The following HS6ST2 variants were observed in gnomAD, a reference collection of about 807,000 sequenced individuals.
HS6ST2 encodes the protein heparan sulfate 6-O-sulfotransferase 2, also known as heparan-sulfate 6-O-sulfotransferase 2.
Under a neutral mutation model 33.0 loss-of-function variants are expected in HS6ST2, and 17 were observed. The ratio of observed to expected loss-of-function variants is 0.52; its 90% CI spans 0.35 to 0.77. The LOEUF is 0.77. HS6ST2 is among the 30% of genes least tolerant of loss of function. The pLI is 0.01. For missense variants in HS6ST2, 519 were observed against 551.7 expected (o/e 0.94, Z 0.59); for synonymous variants, 248 against 237.1 (o/e 1.05, Z -0.42).
At chrX:132,859,280 G>T (rs2065884973) in intron 2 of HS6ST2, among the ~76,000 whole-genome samples, 1 of 111,747 alleles carries the variant, frequency 8.9e-6, no homozygotes, top group Admixed American at 9.6e-5. Context: ...CAGTGCCATT[G>T]AAAACACACT....
chrX:132,948,735 A>G (rs1348999222), intron 2 of HS6ST2, among the ~76,000 whole-genome samples: 1 of 112,531 alleles, frequency 8.9e-6, no homozygotes, highest in Non-Finnish European at 1.9e-5. Flanking sequence ...TTACAAGGAC[A>G]CTGTTTTAGA....
chrX:132,742,276 T>A (rs751591701), intron 2 of HS6ST2, among the ~76,000 whole-genome samples: 2 of 112,181 alleles, frequency 1.8e-5, no homozygotes, highest in South Asian at 7.5e-4. Context: ...GCACTTGGAT[T>A]CAGCTGTTTC....
At chrX:132,796,619 T>C (rs982572498) in intron 2 of HS6ST2, among the ~76,000 whole-genome samples, 2 of 112,422 alleles carry the variant, frequency 1.8e-5, no homozygotes, top group Non-Finnish European at 3.8e-5. Flanking sequence ...ATTCACCAAA[T>C]AGGCCTTAAC....
At chrX:132,881,381 T>C (rs2066171142) in intron 2 of HS6ST2, among the ~76,000 whole-genome samples, 1 of 112,162 alleles carries the variant, frequency 8.9e-6, no homozygotes, top group Non-Finnish European at 1.9e-5. Context: ...TGGCCAGTGA[T>C]GATGAGCATT....
At chrX:132,953,224 C>G (rs2067033367) in intron 2 of HS6ST2, among the ~76,000 whole-genome samples, 3 of 111,850 alleles carry the variant, frequency 2.7e-5, no homozygotes, top group African/African-American at 9.8e-5. Context: ...CAAAAATGGT[C>G]TCAGAAATTC....
chrX:132,725,288 A>G (rs770546197), intron 2 of HS6ST2, among the ~76,000 whole-genome samples: 1 of 112,148 alleles, frequency 8.9e-6, no homozygotes, highest in East Asian at 2.8e-4. Flanking sequence ...TGATTAATAA[A>G]CATAATACAT....
chrX:132,773,875 T>C (rs1049014142), intron 2 of HS6ST2, among the ~76,000 whole-genome samples: 5 of 111,368 alleles, frequency 4.5e-5, no homozygotes, highest in African/African-American at 1.6e-4. Flanking sequence ...CCTATGGAGG[T>C]GTGAAAACTG....
At chrX:132,637,981 T>G (rs183487775) in intron 4 of HS6ST2, among the ~76,000 whole-genome samples, 85 of 82,656 alleles carry the variant, frequency 1.0e-3, no homozygotes, top group African/African-American at 3.7e-3. Context: ...TATATATATA[T>G]AAAAGTTCAG....
chrX:132,741,774 C>T (rs2064583226), intron 2 of HS6ST2, among the ~76,000 whole-genome samples: 1 of 111,454 alleles, frequency 9.0e-6, no homozygotes, highest in African/African-American at 3.3e-5. Context: ...CATCCAAGTT[C>T]CACCCAGGGA....
At chrX:132,861,445 A>T (rs2065909890) in intron 2 of HS6ST2, among the ~76,000 whole-genome samples, 1 of 112,193 alleles carries the variant, frequency 8.9e-6, no homozygotes, top group Admixed American at 9.4e-5. Context: ...TCAGGGGCGG[A>T]TTATTAAGTC....
At chrX:132,892,071 C>T (rs751407328) in intron 2 of HS6ST2, among the ~76,000 whole-genome samples, 2 of 111,936 alleles carry the variant, frequency 1.8e-5, no homozygotes, top group East Asian at 5.6e-4. Context: ...TTTTGATGAT[C>T]GCCATTCTAA....
chrX:132,949,206 T>G (rs751980673), intron 2 of HS6ST2, among the ~76,000 whole-genome samples: 1 of 108,636 alleles, frequency 9.2e-6, no homozygotes, highest in African/African-American at 3.4e-5. Flanking sequence ...AACCCCAAGA[T>G]TTTAACTCTT....
At chrX:132,849,532 A>G (rs139542108) in intron 2 of HS6ST2, among the ~76,000 whole-genome samples, 133 of 112,295 alleles carry the variant, frequency 1.2e-3, no homozygotes, top group African/African-American at 4.2e-3. Context: ...AATACATTTC[A>G]GTATTCACCC....
intron 2 of HS6ST2, among the ~76,000 whole-genome samples, chrX:132,793,151 C>T (rs2065136192): frequency 9.9e-6 from 1 of 101,238 alleles, no homozygotes; most frequent in Non-Finnish European, 2.0e-5. Context: ...ACCTCCGCCT[C>T]CTGGGTTCAG....
At chrX:132,935,584 T>C (rs1009043494) in intron 2 of HS6ST2, among the ~76,000 whole-genome samples, 1 of 111,797 alleles carries the variant, frequency 8.9e-6, no homozygotes, top group African/African-American at 3.3e-5. Context: ...AGACTGGTCA[T>C]GAAGTCTCAA....
chrX:132,795,305 C>T (rs1464431977), intron 2 of HS6ST2, among the ~76,000 whole-genome samples: 1 of 111,954 alleles, frequency 8.9e-6, no homozygotes, highest in Non-Finnish European at 1.9e-5. Context: ...AGTGTAATGT[C>T]TCCATGGTTT....
chrX:132,875,436 A>G (rs1424870662), intron 2 of HS6ST2, among the ~76,000 whole-genome samples: 1 of 110,673 alleles, frequency 9.0e-6, no homozygotes, highest in Non-Finnish European at 1.9e-5. Context: ...GTAGTGAACA[A>G]TCTTAAAGTC....
chrX:132,773,252 A>G, intron 2 of HS6ST2, among the ~76,000 whole-genome samples: 1 of 103,382 alleles, frequency 9.7e-6, no homozygotes, highest in East Asian at 2.9e-4. Context: ...TACATATAAT[A>G]TATTTATAAT....
intron 2 of HS6ST2, among the ~76,000 whole-genome samples, chrX:132,759,406 T>C (rs1251465121): frequency 9.0e-6 from 1 of 111,616 alleles, no homozygotes; most frequent in Non-Finnish European, 1.9e-5. Flanking sequence ...ATGTTTCTGA[T>C]TGATTTTTGG....
Sources: gnomAD v4.1 joint callset for allele counts (sites outside exome capture counted in the v4.1 genomes callset) on GRCh38, gnomAD v4.1.1 for gene constraint, MANE v1.5 for transcripts, NCBI Gene and HGNC (gene_info 2026-07-23, HGNC 2026-07-21) for gene names.